The following CALB1 variants were observed in gnomAD, a reference collection of about 807,000 sequenced individuals.
CALB1 encodes the protein calbindin 1.
In CALB1, 16 loss-of-function variants were observed where a neutral mutation model predicts 46.7. That is an observed-to-expected ratio of 0.34 (90% confidence interval 0.23 to 0.52). CALB1 has a LOEUF of 0.52. CALB1 is among the 20% of genes least tolerant of loss of function. The probability of loss-of-function intolerance (pLI) is 0.95; values close to 1 mark genes in which losing one functional copy is unlikely to be tolerated. For synonymous variants in CALB1, 90 were observed against 112.8 expected, an observed-to-expected ratio of 0.80 and a Z score of 1.28; for missense variants, 224 against 300.3, an observed-to-expected ratio of 0.75 and a Z score of 1.88.
At chr8:90,060,726 TACAACCAACTCCATCTACA>T (rs760932224) in intron 9 of CALB1, 26 bp from the exon 10 acceptor site, 204 of 1,500,414 alleles carry the variant, frequency 1.4e-4, no homozygotes, top group Middle Eastern at 1.0e-3. Context: ...TAAAATAGTA[TACAACCAACTCCATCTACA>T]GTAGTGGGAA....
chr8:90,066,181 C>T (rs1385961982), intron 5 of CALB1, among the ~76,000 whole-genome samples: 1 of 151,948 alleles, frequency 6.6e-6, no homozygotes, highest in East Asian at 1.9e-4. Flanking sequence ...CTACCTTTGA[C>T]AGGAATAATA....
At chr8:90,071,623 T>C (rs1234641008) in intron 3 of CALB1, among the ~76,000 whole-genome samples, 2 of 151,984 alleles carry the variant, frequency 1.3e-5, no homozygotes, top group Non-Finnish European at 2.9e-5. Flanking sequence ...GGAACAAAGA[T>C]GGAAGACAAT....
In CALB1 at chr8:90,059,789, G is replaced by A. The variant is rs1369421438; in HGVS notation, c.*384C>T. Reference sequence around the variant, plus strand: ...ATGGTTGTCTAAAATAAGAATGTTTGGCTTGTTATACATAATTCCATTATT... The same window carrying A: ...ATGGTTGTCTAAAATAAGAATGTTTAGCTTGTTATACATAATTCCATTATT... On this transcript the variant is annotated 3_prime_UTR_variant, in exon 11 of 11. Transcript: ENST00000265431. 2 of 171,404 alleles carry A rather than the reference G, an allele frequency of 1.2e-5. No homozygotes were observed. The highest frequency in any genetic ancestry group is 2.5e-5 in the Non-Finnish European group (2 of 80,236). 10.6% of individuals were successfully genotyped at this position (171,404 alleles called of 1,614,324 possible). A position where few individuals can be genotyped will look rare whatever the true frequency, so the allele number is the denominator to read the frequency against.
intron 9 of CALB1, chr8:90,061,638 G>A (rs1814299848): frequency 6.6e-6 from 1 of 151,860 alleles, no homozygotes; most frequent in Non-Finnish European, 1.5e-5. Context: ...AAAATACTTA[G>A]GAATAAAGTT....
At chr8:90,072,577 T>G (rs376611615) in intron 3 of CALB1, among the ~76,000 whole-genome samples, 106 of 152,338 alleles carry the variant, frequency 7.0e-4, no homozygotes, top group African/African-American at 2.5e-3. Flanking sequence ...TTAAGATATG[T>G]TTCACAATGT....
rs556382855 is a variant in CALB1 at position 90,065,789 on chromosome 8, T to G, written c.450+109A>C. On this transcript the variant is annotated intron_variant, in intron 6 of 10. Coordinates refer to ENST00000265431, the MANE Select transcript of CALB1 (RefSeq NM_004929.4). The stretch of plus-strand genomic sequence containing the variant: ...TGAAATGATACCTATGTGCATATGA[T>G]GCCCACACCACCGTTTATTTATTTC... 4 of 702,370 alleles carry G rather than the reference T, an allele frequency of 5.7e-6. No individual in the cohort carries two copies. The South Asian group carries it at 6.5e-5, about 11-fold the overall frequency. The allele number at this position is 702,370 out of a possible 1,614,324, so 43.5% of individuals were successfully genotyped here.
At chr8:90,073,405 G>T (rs1391430291) in intron 3 of CALB1, among the ~76,000 whole-genome samples, 1 of 152,072 alleles carries the variant, frequency 6.6e-6, no homozygotes, top group South Asian at 2.1e-4. Context: ...GGATATAAAG[G>T]CCCAACGGTC....
At chr8:90,061,009 G>A (rs111876625) in intron 9 of CALB1, 351 of 288,274 alleles carry the variant, frequency 1.2e-3, no homozygotes, top group African/African-American at 7.2e-3. Context: ...GCTGAGGAAG[G>A]TATGTGGCTC....
rs764930271 is a variant in CALB1 at position 90,063,428 on chromosome 8, G to A, written c.484C>T (p.Leu162=). 10 of 1,610,894 alleles carry A rather than the reference G, an allele frequency of 6.2e-6. No individual in the cohort carries two copies. The East Asian group carries it at 6.7e-5, about 11-fold the overall frequency. The change falls in exon 7 of 11, where the codon CTG becomes TTG. Residue 162 remains leucine, a synonymous_variant. Coordinates refer to ENST00000265431, the MANE Select transcript of CALB1 (RefSeq NM_004929.4). The part of the protein sequence containing the change: ...KLFDSNNDGK[L]ELTEMARLLP... Reference sequence around the variant, plus strand: ...CACCTGGCCATCTCAGTTAATTCCAGCTTCCCATCATTATTTGAATCAAAT... The same window carrying A: ...CACCTGGCCATCTCAGTTAATTCCAACTTCCCATCATTATTTGAATCAAAT...
intron 6 of CALB1, chr8:90,064,147 AAT>A (rs1472682387): frequency 2.6e-5 from 4 of 151,810 alleles, no homozygotes; most frequent in South Asian, 2.1e-4. Flanking sequence ...ATGAACACTA[AAT>A]ATGTGAAAAA....
At position 90,082,783 on chromosome 8, in the gene CALB1, C is replaced by A. The variant is rs1586187350; in HGVS notation, c.-86G>T. 1 of 1,337,166 alleles carries A rather than the reference C, an allele frequency of 7.5e-7. No individual in the cohort carries two copies. The highest frequency in any genetic ancestry group is 2.3e-5 in the East Asian group (1 of 43,460). The allele number at this position is 1,337,166 out of a possible 1,614,324, so 82.8% of individuals were successfully genotyped here. On this transcript the variant is annotated 5_prime_UTR_variant, in exon 1 of 11. Coordinates refer to ENST00000265431, the MANE Select transcript of CALB1 (RefSeq NM_004929.4). ...GGAGTGAGCAAAAGCTCAGCGTGTGCGCGAGTCAGGGCTGCGGAGGGAGAC... is the reference window on the plus strand; with the variant it reads ...GGAGTGAGCAAAAGCTCAGCGTGTGAGCGAGTCAGGGCTGCGGAGGGAGAC...
At position 90,082,758 on chromosome 8, in the gene CALB1, G is replaced by C; in HGVS notation, c.-61C>G. On this transcript the variant is annotated 5_prime_UTR_variant, in exon 1 of 11. Transcript: ENST00000265431. ...GCGTGTGTCTGTGTCCGCGCGAGGG[G>C]GAGTGAGCAAAAGCTCAGCGTGTGC... The C allele has an allele frequency of 6.8e-7, 1 of 1,470,318 alleles. No individual in the cohort carries two copies. The highest frequency in any genetic ancestry group is 9.5e-7 in the Non-Finnish European group (1 of 1,049,304). The allele number at this position is 1,470,318 out of a possible 1,614,324, so 91.1% of individuals were successfully genotyped here.
rs1376632894 is a variant in CALB1, at chr8:90,060,633, T to G, written c.668A>C (p.Lys223Thr). Reference sequence around the variant, plus strand: ...GTGCCATGGTAACTAAGTTACCTGTTTATTCTTCTCGCACAGATCCTTCAG... The same window carrying G: ...GTGCCATGGTAACTAAGTTACCTGTGTATTCTTCTCGCACAGATCCTTCAG... ...ALLKDLCEKN[K>T]QDLDINNITT... Residue 223 changes from lysine (K) to threonine (T), a missense_variant, in exon 10 of 11, where the codon AAA (lysine) becomes ACA (threonine). Coordinates refer to ENST00000265431, the MANE Select transcript of CALB1 (RefSeq NM_004929.4). The G allele has an allele frequency of 6.2e-7, 1 of 1,613,252 alleles. No individual in the cohort carries two copies. The highest frequency in any genetic ancestry group is 8.5e-7 in the Non-Finnish European group (1 of 1,179,200).
chr8:90,078,363 A>C lies in CALB1; in HGVS notation c.231+10T>G. The C allele has an allele frequency of 6.5e-7, 1 of 1,531,046 alleles. No homozygotes were observed. Among genetic ancestry groups the C allele is most frequent in the East Asian group, 2.3e-5 (1 of 44,030 alleles). 94.8% of individuals were successfully genotyped at this position (1,531,046 alleles called of 1,614,324 possible). A position where few individuals can be genotyped will look rare whatever the true frequency, so the allele number is the denominator to read the frequency against. The stretch of plus-strand genomic sequence containing the variant: ...TAAAATTAAATCAGAAAAATGCATA[A>C]ATTCCTTACCTCTACAATTCCTATT... On this transcript the variant is annotated intron_variant, in intron 3 of 10. Coordinates refer to ENST00000265431, the MANE Select transcript of CALB1 (RefSeq NM_004929.4).
At chr8:90,076,813 A>T (rs1814630506) in intron 3 of CALB1, among the ~76,000 whole-genome samples, 1 of 152,064 alleles carries the variant, frequency 6.6e-6, no homozygotes. Context: ...ACTGTATCAC[A>T]TAAAGTAAAA....
At chr8:90,068,769 G>A (rs1489276725) in intron 5 of CALB1, among the ~76,000 whole-genome samples, 1 of 152,034 alleles carries the variant, frequency 6.6e-6, no homozygotes, top group Non-Finnish European at 1.5e-5. Flanking sequence ...TTATATTTGT[G>A]TACACCACAA....
At chr8:90,077,189 A>T (rs1431229730) in intron 3 of CALB1, among the ~76,000 whole-genome samples, 1 of 152,008 alleles carries the variant, frequency 6.6e-6, no homozygotes, top group East Asian at 1.9e-4. Flanking sequence ...TCTATCTGTA[A>T]GTCCCATTAC....
chr8:90,081,328 C>T (rs189252010), intron 2 of CALB1: 7 of 203,050 alleles, frequency 3.4e-5, no homozygotes, highest in East Asian at 3.7e-4. Flanking sequence ...TACTTCTCTA[C>T]CTTTTGGGTT....
At chr8:90,066,043 C>A (rs531230664) in intron 5 of CALB1, 68 bp from the exon 6 acceptor site, 1 of 1,050,570 alleles carries the variant, frequency 9.5e-7, no homozygotes, top group Non-Finnish European at 1.5e-6. Context: ...TTTCAGAATG[C>A]CTTGGAACAG....
Sources: gnomAD v4.1 joint callset for allele counts (sites outside exome capture counted in the v4.1 genomes callset) on GRCh38, gnomAD v4.1.1 for gene constraint, MANE v1.5 for transcripts, NCBI Gene and HGNC (gene_info 2026-07-23, HGNC 2026-07-21) for gene names.